CHRM2: variants seen among roughly 807,000 people sequenced by gnomAD.
CHRM2 encodes muscarinic acetylcholine receptor M2.
A neutral mutation model predicts 25.0 loss-of-function variants in CHRM2; 8 were observed. That is an observed-to-expected ratio of 0.32 (90% confidence interval 0.19 to 0.58). CHRM2 has a LOEUF of 0.58. CHRM2 is among the 20% of genes least tolerant of loss of function. The probability of loss-of-function intolerance (pLI) is 0.88; values close to 1 mark genes in which losing one functional copy is unlikely to be tolerated. For missense variants in CHRM2, 440 were observed against 567.1 expected (o/e 0.78, Z 2.28); for synonymous variants, 202 against 205.7 (o/e 0.98, Z 0.15).
intron 2 of CHRM2, among the ~76,000 whole-genome samples, chr7:136,905,147 T>G (rs1270021313): frequency 6.6e-6 from 1 of 151,886 alleles, no homozygotes; most frequent in East Asian, 1.9e-4. Flanking sequence ...TATTTCAAAT[T>G]GTCTTACAAA....
intron 2 of CHRM2, among the ~76,000 whole-genome samples, chr7:136,926,005 G>A (rs578207957): frequency 7.9e-5 from 12 of 152,322 alleles, no homozygotes; most frequent in African/African-American, 2.9e-4. Context: ...GGGAGGCCGA[G>A]GTGGGCAGAT....
At chr7:136,989,757 C>T (rs1430610945) in intron 2 of CHRM2, among the ~76,000 whole-genome samples, 1 of 152,132 alleles carries the variant, frequency 6.6e-6, no homozygotes, top group Non-Finnish European at 1.5e-5. Flanking sequence ...GGTTTTGTCC[C>T]TTAAAATCCA....
intron 3 of CHRM2, among the ~76,000 whole-genome samples, chr7:137,010,080 T>C (rs1397769033): frequency 6.6e-6 from 1 of 152,078 alleles, no homozygotes. Flanking sequence ...CTTTCATCCT[T>C]ACTACAACTC....
intron 2 of CHRM2, among the ~76,000 whole-genome samples, chr7:136,875,285 T>G (rs985473669): frequency 6.6e-6 from 1 of 151,672 alleles, no homozygotes; most frequent in African/African-American, 2.4e-5. Context: ...AACGTAGACG[T>G]TTTACTCTTA....
chr7:136,956,574 C>T (rs1296016639), intron 2 of CHRM2, among the ~76,000 whole-genome samples: 1 of 152,066 alleles, frequency 6.6e-6, no homozygotes, highest in African/African-American at 2.4e-5. Context: ...GACAGGAAGC[C>T]TCTACCCACA....
intron 2 of CHRM2, among the ~76,000 whole-genome samples, chr7:136,901,255 G>A (rs1472551161): frequency 6.6e-6 from 1 of 151,946 alleles, no homozygotes; most frequent in Non-Finnish European, 1.5e-5. Flanking sequence ...GCGGTTTTTG[G>A]TTCTTGGAAA....
At chr7:136,988,100 T>C (rs1802978939) in intron 2 of CHRM2, among the ~76,000 whole-genome samples, 1 of 150,848 alleles carries the variant, frequency 6.6e-6, no homozygotes, top group African/African-American at 2.4e-5. Flanking sequence ...TAAATATATG[T>C]ATATTTAGAT....
intron 2 of CHRM2, among the ~76,000 whole-genome samples, chr7:136,880,235 G>A (rs114957622): frequency 2.7e-3 from 309 of 113,596 alleles, no homozygotes; most frequent in African/African-American, 8.5e-3. Context: ...CTATTGCCCC[G>A]TTCCTATATT....
At chr7:136,883,178 T>G (rs540518556) in intron 2 of CHRM2, among the ~76,000 whole-genome samples, 32 of 152,190 alleles carry the variant, frequency 2.1e-4, no homozygotes, top group African/African-American at 7.7e-4. Flanking sequence ...GGACCTAAGC[T>G]CCCTAGCAGT....
chr7:136,923,034 A>T (rs1220668600), intron 2 of CHRM2, among the ~76,000 whole-genome samples: 1 of 152,210 alleles, frequency 6.6e-6, no homozygotes, highest in Non-Finnish European at 1.5e-5. Flanking sequence ...TTAAATGCTT[A>T]GCAAATTCAA....
chr7:136,921,794 C>CTTTTTT (rs398006503), intron 2 of CHRM2, among the ~76,000 whole-genome samples: 1 of 116,538 alleles, frequency 8.6e-6, no homozygotes, highest in Non-Finnish European at 2.0e-5. Context: ...TTCTTTCTTT[C>CTTTTTT]TTTTTTTTGA....
intron 2 of CHRM2, among the ~76,000 whole-genome samples, chr7:136,983,462 T>C (rs929718971): frequency 6.6e-6 from 1 of 152,128 alleles, no homozygotes; most frequent in African/African-American, 2.4e-5. Context: ...CTCTGTCCAG[T>C]TTTGTTCCCT....
rs57705639 is a variant in CHRM2 at position 136,930,898 on chromosome 7, CAAAAAAAAA to C, written c.-124-61268_-124-61260del. The stretch of plus-strand genomic sequence containing the variant: ...GGCTACAGAGCCAGACTCATTCTCT[CAAAAAAAAA>C]AAAAAAAAAAAAAAAAAAAAGGATA... On this transcript the variant is annotated intron_variant, in intron 2 of 3. Coordinates refer to ENST00000680005, the MANE Select transcript of CHRM2 (RefSeq NM_001006630.2). 9.8e-4 allele frequency among the ~76,000 whole-genome samples: 60 copies of C among 61,152 alleles called. 1 individual carries two copies. Among genetic ancestry groups the C allele is most frequent in the African/African-American group, 1.2e-3 (31 of 25,028 alleles). 40.1% of individuals were successfully genotyped at this position (61,152 alleles called of 152,430 possible).
intron 2 of CHRM2, among the ~76,000 whole-genome samples, chr7:136,883,244 T>C (rs892790749): frequency 5.3e-5 from 8 of 152,148 alleles, no homozygotes; most frequent in African/African-American, 1.9e-4. Flanking sequence ...GAGAAGGTTT[T>C]GGCATCTTTC....
Position 137,015,563 on chromosome 7 carries a change from C to T in CHRM2, c.698C>T (p.Pro233Leu), listed in dbSNP as rs1309329857. ...EPVANQDPVSPSLVQGRIVKP... is the reference protein window; with the variant it reads ...EPVANQDPVSLSLVQGRIVKP... The stretch of plus-strand genomic sequence containing the variant: ...GTTGCCAACCAAGACCCCGTTTCTC[C>T]AAGTCTGGTACAAGGAAGGATAGTG... The change falls in exon 4 of 4, where the codon CCA (proline) becomes CTA (leucine). Residue 233 changes from proline (P) to leucine (L), a missense_variant. Around this residue, in one of 5 missense-constraint regions of CHRM2, gnomAD observed 261 missense variants for 261.8 expected, o/e 1.00. Coordinates refer to ENST00000680005, the MANE Select transcript of CHRM2 (RefSeq NM_001006630.2). This position sits in a 1 kb window ranked among gnomAD's most constrained non-coding sequence, Gnocchi z 5.1. The T allele has an allele frequency of 6.2e-7, 1 of 1,612,850 alleles. No homozygotes were observed. Among genetic ancestry groups the T allele is most frequent in the African/African-American group, 1.3e-5 (1 of 74,926 alleles).
At chr7:136,883,495 G>A (rs1291094037) in intron 2 of CHRM2, among the ~76,000 whole-genome samples, 1 of 152,122 alleles carries the variant, frequency 6.6e-6, no homozygotes, top group Non-Finnish European at 1.5e-5. Context: ...GTGGGTGACA[G>A]TGATCAGAGG....
intron 2 of CHRM2, among the ~76,000 whole-genome samples, chr7:136,880,722 C>A (rs1207549544): frequency 2.0e-5 from 3 of 151,908 alleles, no homozygotes; most frequent in Middle Eastern, 3.4e-3. Flanking sequence ...CACACACCTA[C>A]TCCCTTCCAC....
chr7:137,005,329 C>A (rs1412455191), intron 3 of CHRM2, among the ~76,000 whole-genome samples: 1 of 152,126 alleles, frequency 6.6e-6, no homozygotes, highest in South Asian at 2.1e-4. Context: ...TAAGTAGAGA[C>A]ATGCTTAAAA....
At chr7:136,993,924 G>T (rs1475062072) in intron 3 of CHRM2, among the ~76,000 whole-genome samples, 2 of 152,056 alleles carry the variant, frequency 1.3e-5, no homozygotes, top group South Asian at 2.1e-4. Context: ...CCAGCCAATT[G>T]CCTCGTACAT....
Sources: gnomAD v4.1 joint callset for allele counts (sites outside exome capture counted in the v4.1 genomes callset) on GRCh38, gnomAD v4.1.1 for gene constraint, gnomAD v4.1.1 regional missense constraint, Gnocchi (gnomAD v3.1) non-coding constraint, MANE v1.5 for transcripts, NCBI Gene and HGNC (gene_info 2026-07-23, HGNC 2026-07-21) for gene names.